Variants in IBSP observed in about 807,000 individuals in gnomAD.
IBSP encodes integrin binding sialoprotein.
IBSP carries 19 observed loss-of-function variants against 25.5 expected under a neutral mutation model. That is an observed-to-expected ratio of 0.74 (90% confidence interval 0.52 to 1.09). The LOEUF (loss-of-function observed/expected upper bound fraction) is 1.09, where lower values mean the gene tolerates loss of function less well. Ranked by LOEUF, IBSP falls within the 50% of genes least tolerant of loss-of-function variation. The pLI is 0.00. For missense variants in IBSP, 360 were observed against 382.3 expected (o/e 0.94, Z 0.49); for synonymous variants, 144 against 137.6 (o/e 1.05, Z -0.33).
intron 1 of IBSP, among the ~76,000 whole-genome samples, chr4:87,800,517 C>T (rs537424862): frequency 7.2e-5 from 11 of 152,228 alleles, no homozygotes; most frequent in East Asian, 5.8e-4. Context: ...GGCTTGGTCA[C>T]GGCTGGCAAA....
In IBSP at chr4:87,802,675, T is replaced by C; in HGVS notation, c.127T>C (p.Tyr43His). Residue 43 changes from tyrosine (Y) to histidine (H), a missense_variant, in exon 4 of 7, where the codon TAT becomes CAT. Tyr to His is a moderately conservative substitution (Grantham distance 83, BLOSUM62 2). Transcript: ENST00000226284. Reference protein sequence around the residue: ...ENGVFKYRPRYYLYKHAYFYP... With the variant: ...ENGVFKYRPRHYLYKHAYFYP... ...GCAGGTCTTTAAGTACAGGCCACGA[T>C]ATTATCTTTACAAGCATGCCTACTT... is the stretch of plus-strand genomic sequence containing the variant. 6.4e-7 allele frequency: 1 copy of C among 1,572,696 alleles called. No individual in the cohort carries two copies. The highest frequency in any genetic ancestry group is 1.2e-5 in the South Asian group (1 of 82,558).
At chr4:87,808,555 G>C (rs1722124947) in intron 5 of IBSP, among the ~76,000 whole-genome samples, 1 of 152,098 alleles carries the variant, frequency 6.6e-6, no homozygotes, top group Non-Finnish European at 1.5e-5. Context: ...TTCAGAAATT[G>C]AACACGTAAG....
intron 6 of IBSP, 108 bp downstream of exon 6, chr4:87,810,872 TACAC>T: frequency 1.2e-6 from 1 of 849,368 alleles, no homozygotes; most frequent in Non-Finnish European, 1.8e-6. Context: ...ATCCTAACAC[TACAC>T]ACATAGTATT....
chr4:87,808,166 T>C (rs1722114965), intron 5 of IBSP, among the ~76,000 whole-genome samples: 1 of 152,088 alleles, frequency 6.6e-6, no homozygotes, highest in African/African-American at 2.4e-5. Context: ...CCTAAACTAT[T>C]TAGTCTCATA....
chr4:87,804,892 G>A (rs1722069386), intron 4 of IBSP, among the ~76,000 whole-genome samples: 1 of 152,148 alleles, frequency 6.6e-6, no homozygotes. Flanking sequence ...AGTTCTGATT[G>A]CATAAATATA....
chr4:87,799,702 G>A (rs1721984278), intron 1 of IBSP, 69 bp downstream of exon 1: 1 of 152,068 alleles, frequency 6.6e-6, no homozygotes, highest in Non-Finnish European at 1.5e-5. Context: ...TCTGAACTTG[G>A]CTTTGAATTT....
At chr4:87,805,252 A>G (rs1223285582) in intron 4 of IBSP, among the ~76,000 whole-genome samples, 2 of 152,198 alleles carry the variant, frequency 1.3e-5, no homozygotes, top group Non-Finnish European at 2.9e-5. Context: ...AAAGCTAAAT[A>G]TTGCAGGGAA....
At chr4:87,806,897 C>A (rs540492842) in intron 5 of IBSP, among the ~76,000 whole-genome samples, 1 of 151,802 alleles carries the variant, frequency 6.6e-6, no homozygotes, top group South Asian at 2.1e-4. Context: ...TCCTGTCACT[C>A]GGGAAGCTGA....
chr4:87,806,740 C>T (rs1722094393), intron 5 of IBSP, among the ~76,000 whole-genome samples: 1 of 152,098 alleles, frequency 6.6e-6, no homozygotes, highest in Admixed American at 6.6e-5. Context: ...TGTGGTGGCT[C>T]ATGCCTGTAA....
chr4:87,804,893 C>A (rs1722069447), intron 4 of IBSP, among the ~76,000 whole-genome samples: 1 of 152,152 alleles, frequency 6.6e-6, no homozygotes. Flanking sequence ...GTTCTGATTG[C>A]ATAAATATAC....
intron 5 of IBSP, among the ~76,000 whole-genome samples, 188 bp downstream of exon 5, chr4:87,806,372 A>G (rs934365650): frequency 3.9e-5 from 6 of 152,200 alleles, no homozygotes; most frequent in African/African-American, 1.4e-4. Context: ...TTAAAACACT[A>G]TTGCAGTTTG....
chr4:87,804,543 C>A (rs945862625), intron 4 of IBSP, among the ~76,000 whole-genome samples: 1 of 152,142 alleles, frequency 6.6e-6, no homozygotes, highest in East Asian at 1.9e-4. Flanking sequence ...TAGTTGAACT[C>A]ATAGAAGGTA....
At position 87,812,122 on chromosome 4, in the gene IBSP, G is replaced by A. The variant is rs1722188546; in HGVS notation, c.*212G>A. The stretch of plus-strand genomic sequence containing the variant: ...TTATGGAATGATCATTGTAAATCAG[G>A]ACCATTTATCAAGCAGTACACCAAC... On this transcript the variant is annotated 3_prime_UTR_variant, in exon 7 of 7. Coordinates refer to ENST00000226284, the MANE Select transcript of IBSP (RefSeq NM_004967.4). 5 of 441,446 alleles carry A rather than the reference G, an allele frequency of 1.1e-5. No individual in the cohort carries two copies. In the South Asian group the frequency reaches 3.5e-4, roughly 31 times the overall value. 27.3% of individuals were successfully genotyped at this position (441,446 alleles called of 1,614,324 possible).
chr4:87,809,162 G>A (rs1238564870), intron 5 of IBSP, among the ~76,000 whole-genome samples: 2 of 152,132 alleles, frequency 1.3e-5, no homozygotes, highest in African/African-American at 4.8e-5. Flanking sequence ...ATCTTTGTAA[G>A]CGCAAATTAG....
chr4:87,810,305 G>A (rs1722153381), intron 5 of IBSP, among the ~76,000 whole-genome samples: 1 of 152,066 alleles, frequency 6.6e-6, no homozygotes, highest in Admixed American at 6.5e-5. Flanking sequence ...TCTTCTTTGT[G>A]CAGAAAAAAA....
intron 5 of IBSP, among the ~76,000 whole-genome samples, chr4:87,809,254 C>T (rs1160286296): frequency 2.0e-5 from 3 of 152,076 alleles, no homozygotes; most frequent in African/African-American, 2.4e-5. Flanking sequence ...TCATGTGCAG[C>T]GGAACATCCT....
intron 1 of IBSP, 24 bp from the exon 2 acceptor site, chr4:87,802,324 A>T: frequency 6.8e-7 from 1 of 1,469,504 alleles, no homozygotes; most frequent in Non-Finnish European, 9.4e-7. Flanking sequence ...TATTTTATTA[A>T]CCTTACCACT....
At chr4:87,800,650 G>A (rs1056256965) in intron 1 of IBSP, among the ~76,000 whole-genome samples, 1 of 152,122 alleles carries the variant, frequency 6.6e-6, no homozygotes, top group African/African-American at 2.4e-5. Flanking sequence ...AGATAGGACT[G>A]TGAGAAACTG....
rs763793140 is a variant in IBSP, at chr4:87,811,777, G to A, written c.821G>A (p.Gly274Glu). Reference sequence around the variant, plus strand: ...ACGGGCGCCAATGAATACGACAATGGATATGAAATCTATGAAAGTGAGAAC... The same window carrying A: ...ACGGGCGCCAATGAATACGACAATGAATATGAAATCTATGAAAGTGAGAAC... Reference protein sequence around the residue: ...EYTGANEYDNGYEIYESENGE... With the variant: ...EYTGANEYDNEYEIYESENGE... Residue 274 changes from glycine (G) to glutamate (E), a missense_variant, in exon 7 of 7, where the codon GGA becomes GAA. Physicochemically the swap from Gly to Glu is moderately conservative, Grantham distance 98. Transcript: ENST00000226284. The A allele has an allele frequency of 3.1e-6, 5 of 1,613,682 alleles. No homozygotes were observed. In the South Asian group the frequency reaches 4.4e-5, roughly 14 times the overall value.
Sources: gnomAD v4.1 joint callset for allele counts (sites outside exome capture counted in the v4.1 genomes callset) on GRCh38, gnomAD v4.1.1 for gene constraint, MANE v1.5 for transcripts, NCBI Gene and HGNC (gene_info 2026-07-23, HGNC 2026-07-21) for gene names.